Variants in PTPRD observed in about 807,000 individuals in gnomAD.
The protein encoded by PTPRD is receptor-type tyrosine-protein phosphatase delta.
In PTPRD, 34 loss-of-function variants were observed where a neutral mutation model predicts 214.5. The observed-to-expected ratio is 0.16, with a 90% CI of 0.12 to 0.21. The LOEUF (loss-of-function observed/expected upper bound fraction) is 0.21, where lower values mean the gene tolerates loss of function less well. PTPRD is among the 10% of genes least tolerant of loss of function. The pLI is 1.00. For missense variants in PTPRD, 2,545 were observed against 2,398.7 expected, an observed-to-expected ratio of 1.06 and a Z score of -1.27; for synonymous variants, 1,128 against 845.7, an observed-to-expected ratio of 1.33 and a Z score of -5.79.
intron 9 of PTPRD, among the ~76,000 whole-genome samples, chr9:9,378,127 T>C (rs1018130145): frequency 5.2e-4 from 79 of 152,220 alleles, no homozygotes; most frequent in African/African-American, 1.7e-3. Flanking sequence ...CTTGGTGTTA[T>C]ACACTTTATG....
intron 19 of PTPRD, among the ~76,000 whole-genome samples, chr9:8,521,873 A>T (rs2097898218): frequency 6.6e-6 from 1 of 152,216 alleles, no homozygotes; most frequent in Non-Finnish European, 1.5e-5. Flanking sequence ...AAACATATAC[A>T]TGCAGGCATA....
chr9:9,648,531 G>A (rs2096254136), intron 7 of PTPRD, among the ~76,000 whole-genome samples: 1 of 152,192 alleles, frequency 6.6e-6, no homozygotes, highest in Admixed American at 6.5e-5. Context: ...ATGCTGGAGA[G>A]GAGAAATTTC....
At chr9:10,595,463 G>A (rs946571512) in intron 2 of PTPRD, among the ~76,000 whole-genome samples, 1 of 151,394 alleles carries the variant, frequency 6.6e-6, no homozygotes, top group African/African-American at 2.4e-5. Context: ...AAGCAAAGTA[G>A]GACCCTTTAA....
chr9:9,156,174 C>T (rs533616688), intron 10 of PTPRD, among the ~76,000 whole-genome samples: 4 of 152,132 alleles, frequency 2.6e-5, no homozygotes, highest in African/African-American at 9.6e-5. Flanking sequence ...GAAAAGCAAT[C>T]TTTGTGCCAG....
At chr9:9,177,887 C>T (rs1204289450) in intron 10 of PTPRD, among the ~76,000 whole-genome samples, 1 of 152,042 alleles carries the variant, frequency 6.6e-6, no homozygotes, top group Admixed American at 6.6e-5. Flanking sequence ...GATGCACATG[C>T]CTATGATGGT....
chr9:10,320,408 A>T (rs2096532436), intron 3 of PTPRD, among the ~76,000 whole-genome samples: 1 of 152,038 alleles, frequency 6.6e-6, no homozygotes, highest in Non-Finnish European at 1.5e-5. Context: ...AATCTTGGCC[A>T]GGTTTCCTCC....
intron 35 of PTPRD, among the ~76,000 whole-genome samples, chr9:8,423,352 T>C (rs2094476507): frequency 6.6e-6 from 1 of 152,158 alleles, no homozygotes; most frequent in Admixed American, 6.6e-5. Flanking sequence ...TAAATGTAGG[T>C]AGGCAGTGGT....
intron 10 of PTPRD, among the ~76,000 whole-genome samples, chr9:9,076,220 C>T (rs2099750941): frequency 1.3e-5 from 2 of 151,078 alleles, no homozygotes; most frequent in South Asian, 4.2e-4. Flanking sequence ...GAGACTTCAT[C>T]CACTTTTTGA....
In PTPRD at chr9:9,810,214, A is replaced by G. The variant is rs2046718527; in HGVS notation, c.-367-43363T>C. Among the ~76,000 whole-genome samples, 3 of 150,116 alleles carry G rather than the reference A, an allele frequency of 2.0e-5. No individual in the cohort carries two copies. The South Asian group carries it at 6.3e-4, about 32-fold the overall frequency. ...CATTTTATTTTGTTTAGGTTACTTTATTGTAAGAATATATACTACATAGAC... is the reference window on the plus strand; with the variant it reads ...CATTTTATTTTGTTTAGGTTACTTTGTTGTAAGAATATATACTACATAGAC... On this transcript the variant is annotated intron_variant, in intron 5 of 45. Coordinates refer to ENST00000381196, the MANE Select transcript of PTPRD (RefSeq NM_002839.4).
At chr9:8,534,220 C>T (rs1339791249) in intron 14 of PTPRD, among the ~76,000 whole-genome samples, 1 of 151,906 alleles carries the variant, frequency 6.6e-6, no homozygotes, top group Admixed American at 6.6e-5. Flanking sequence ...GTTTTCAGTT[C>T]CTACGTGTCA....
chr9:9,302,548 T>G (rs1019257684), intron 9 of PTPRD, among the ~76,000 whole-genome samples: 4 of 151,690 alleles, frequency 2.6e-5, no homozygotes, highest in African/African-American at 9.7e-5. Flanking sequence ...CTCCCACTTT[T>G]CATTTTTTGT....
intron 2 of PTPRD, among the ~76,000 whole-genome samples, chr9:10,529,379 C>T (rs2055396667): frequency 6.6e-6 from 1 of 152,096 alleles, no homozygotes; most frequent in Non-Finnish European, 1.5e-5. Context: ...CCATGGAATA[C>T]TATTCAGCCA....
rs145943443 is a variant in PTPRD at position 9,237,864 on chromosome 9, T to C, written c.-202-54501A>G. Among the ~76,000 whole-genome samples the C allele has an allele frequency of 4.1e-3, 629 of 152,250 alleles. 2 individuals are homozygous for C. The highest frequency in any genetic ancestry group is 0.015 in the African/African-American group (603 of 41,546). On this transcript the variant is annotated intron_variant, in intron 9 of 45. Coordinates refer to ENST00000381196, the MANE Select transcript of PTPRD (RefSeq NM_002839.4). The stretch of plus-strand genomic sequence containing the variant: ...ATTTTTGATGAGGTTAACAGGGCAC[T>C]TCATTGACCTTTTTGAGAAACTTAA...
intron 9 of PTPRD, among the ~76,000 whole-genome samples, chr9:9,360,118 C>A (rs2055469965): frequency 6.6e-6 from 1 of 150,984 alleles, no homozygotes. Flanking sequence ...GTGGTAAGTA[C>A]AATGTGTTTA....
chr9:9,767,946 G>T (rs996689776), intron 5 of PTPRD, among the ~76,000 whole-genome samples: 1 of 152,108 alleles, frequency 6.6e-6, no homozygotes, highest in Non-Finnish European at 1.5e-5. Context: ...AGGAAATCAG[G>T]TTACTGTGTG....
At chr9:8,666,605 C>A (rs2079349455) in intron 12 of PTPRD, among the ~76,000 whole-genome samples, 1 of 152,114 alleles carries the variant, frequency 6.6e-6, no homozygotes, top group South Asian at 2.1e-4. Flanking sequence ...TGTTCTAAGA[C>A]AATTGGAAGA....
chr9:10,384,928 G>C (rs2097888638), intron 2 of PTPRD, among the ~76,000 whole-genome samples: 1 of 151,606 alleles, frequency 6.6e-6, no homozygotes, highest in African/African-American at 2.4e-5. Flanking sequence ...ACTCTCACTG[G>C]GATTCTAACA....
chr9:10,417,545 C>T (rs1587751763), intron 2 of PTPRD, among the ~76,000 whole-genome samples: 1 of 151,742 alleles, frequency 6.6e-6, no homozygotes, highest in East Asian at 2.0e-4. Context: ...TTAAAAGAAA[C>T]TAAATATTAT....
intron 7 of PTPRD, among the ~76,000 whole-genome samples, chr9:9,726,703 T>A (rs1162209871): frequency 6.6e-6 from 1 of 152,192 alleles, no homozygotes; most frequent in Non-Finnish European, 1.5e-5. Context: ...TGTCTCAACA[T>A]GTTTGTGGAT....
Sources: gnomAD v4.1 joint callset for allele counts (sites outside exome capture counted in the v4.1 genomes callset) on GRCh38, gnomAD v4.1.1 for gene constraint, MANE v1.5 for transcripts, NCBI Gene and HGNC (gene_info 2026-07-23, HGNC 2026-07-21) for gene names.